RNF182: variants seen among roughly 807,000 people sequenced by gnomAD.
The protein encoded by RNF182 is E3 ubiquitin-protein ligase RNF182.
In RNF182, 15 loss-of-function variants were observed where a neutral mutation model predicts 14.4. The ratio of observed to expected loss-of-function variants is 1.04; its 90% CI spans 0.70 to 1.60. The LOEUF (loss-of-function observed/expected upper bound fraction) is 1.60. RNF182 is among the 40% of genes most tolerant of loss of function. The pLI is 0.00. For synonymous variants in RNF182, 128 were observed against 122.9 expected, an observed-to-expected ratio of 1.04 and a Z score of -0.27; for missense variants, 268 against 294.8, an observed-to-expected ratio of 0.91 and a Z score of 0.67.
chr6:13,972,536 A>G (rs192922864), intron 1 of RNF182, among the ~76,000 whole-genome samples: 312 of 152,192 alleles, frequency 2.1e-3, no homozygotes, highest in Non-Finnish European at 3.6e-3. Flanking sequence ...AAGAGAAAAA[A>G]TGGTTTTGTG....
chr6:13,971,955 A>C lies in RNF182; in HGVS notation c.-366-2255A>C, dbSNP rs548610073. Reference sequence around the variant, plus strand: ...GATTTGGGTGCTGTTAAAAGCATTCAGTTTTATGTATTCACAAAGATATGG... The same window carrying C: ...GATTTGGGTGCTGTTAAAAGCATTCCGTTTTATGTATTCACAAAGATATGG... On this transcript the variant is annotated intron_variant, in intron 1 of 2. Coordinates refer to ENST00000488300, the MANE Select transcript of RNF182 (RefSeq NM_152737.4). Among the ~76,000 whole-genome samples, 218 of 152,338 alleles carry C rather than the reference A, an allele frequency of 1.4e-3. 2 individuals are homozygous for C. Among genetic ancestry groups the C allele is most frequent in the Non-Finnish European group, 2.7e-3 (183 of 68,038 alleles).
At chr6:13,964,042 C>G (rs1441302138) in intron 1 of RNF182, among the ~76,000 whole-genome samples, 2 of 150,162 alleles carry the variant, frequency 1.3e-5, no homozygotes, top group Non-Finnish European at 3.0e-5. Flanking sequence ...AGCAAAGACT[C>G]AAGACAATCT....
chr6:13,972,097 A>G (rs1760200072), intron 1 of RNF182, among the ~76,000 whole-genome samples: 1 of 152,084 alleles, frequency 6.6e-6, no homozygotes, highest in Non-Finnish European at 1.5e-5. Context: ...TCAGGAGATC[A>G]AGACCATCCT....
At chr6:13,970,898 T>C (rs1760157129) in intron 1 of RNF182, among the ~76,000 whole-genome samples, 1 of 152,196 alleles carries the variant, frequency 6.6e-6, no homozygotes, top group Non-Finnish European at 1.5e-5. Context: ...AAAACAGTCA[T>C]AGATTCCCTT....
In RNF182 at chr6:13,978,692, A is replaced by C. The variant is rs925440998; in HGVS notation, c.*829A>C. On this transcript the variant is annotated 3_prime_UTR_variant, in exon 3 of 3. Transcript: ENST00000488300. Reference sequence around the variant, plus strand: ...ATCTTAGTTTTGGTTTTTTTAAACCACATTGCCCAATCAGCCTCACCCCTT... The same window carrying C: ...ATCTTAGTTTTGGTTTTTTTAAACCCCATTGCCCAATCAGCCTCACCCCTT... 5 of 167,066 alleles carry C rather than the reference A, an allele frequency of 3.0e-5. No individual in the cohort carries two copies. Among genetic ancestry groups the C allele is most frequent in the African/African-American group, 1.2e-4 (5 of 41,444 alleles). The allele number at this position is 167,066 out of a possible 1,614,324, so 10.3% of individuals were successfully genotyped here.
At chr6:13,924,875 G>C (rs1226386342), upstream of RNF182, 1 of 148,888 alleles carries the variant, frequency 6.7e-6, no homozygotes, top group Non-Finnish European at 1.5e-5. Context: ...GTGACGCAGG[G>C]TCGGCGGCTC....
At position 13,943,119 on chromosome 6, in the gene RNF182, T is replaced by C. The variant is rs532892648; in HGVS notation, c.-367+18096T>C. Among the ~76,000 whole-genome samples the C allele has an allele frequency of 3.3e-5, 5 of 152,358 alleles. 1 individual carries two copies. The East Asian group carries it at 9.6e-4, about 29-fold the overall frequency. ...TCAGGGAATACTAATGGCTACCTTA[T>C]CTAAATGGTGAAAGTAGTTTCTAAA... On this transcript the variant is annotated intron_variant, in intron 1 of 2. Transcript: ENST00000488300.
chr6:13,925,926 G>A (rs1758813170), intron 1 of RNF182, among the ~76,000 whole-genome samples: 1 of 152,076 alleles, frequency 6.6e-6, no homozygotes, highest in Admixed American at 6.5e-5. Context: ...GTGATAGTTT[G>A]TTGCAGACGC....
chr6:13,958,166 T>C (rs1039328480), intron 1 of RNF182, among the ~76,000 whole-genome samples: 2 of 152,072 alleles, frequency 1.3e-5, no homozygotes, highest in Admixed American at 6.6e-5. Flanking sequence ...GGCAGGCAGA[T>C]CACGAGGTCA....
intron 1 of RNF182, among the ~76,000 whole-genome samples, chr6:13,960,656 AGT>A (rs745687828): frequency 0.027 from 3,618 of 133,062 alleles, 122 homozygotes; most frequent in African/African-American, 0.087. Flanking sequence ...GGAGAGAGAG[AGT>A]GTGTGTGTGT....
chr6:13,950,607 G>A (rs772675800), intron 1 of RNF182, among the ~76,000 whole-genome samples: 8 of 144,094 alleles, frequency 5.6e-5, no homozygotes, highest in South Asian at 2.2e-4. Flanking sequence ...AACAATTCTC[G>A]TGCCTCAACC....
chr6:13,935,962 A>G (rs1210176166), intron 1 of RNF182, among the ~76,000 whole-genome samples: 1 of 152,248 alleles, frequency 6.6e-6, no homozygotes, highest in Non-Finnish European at 1.5e-5. Flanking sequence ...TACAGGAAGC[A>G]TGGTTGGGGA....
chr6:13,945,678 T>C (rs1022306603), intron 1 of RNF182, among the ~76,000 whole-genome samples: 8 of 152,268 alleles, frequency 5.3e-5, no homozygotes, highest in Admixed American at 1.3e-4. Flanking sequence ...CCTATTAGTT[T>C]ATGCTATTTT....
At chr6:13,925,871 G>C (rs9475787) in intron 1 of RNF182, among the ~76,000 whole-genome samples, 46,978 of 151,960 alleles carry the variant, frequency 0.31, 7,847 homozygotes, top group East Asian at 0.57. Flanking sequence ...CACTGGATAG[G>C]TTATAGGTAC....
chr6:13,927,371 G>A (rs2113572213), intron 1 of RNF182, among the ~76,000 whole-genome samples: 1 of 152,330 alleles, frequency 6.6e-6, no homozygotes, highest in Middle Eastern at 3.4e-3. Flanking sequence ...CAACAGCATT[G>A]CATATCCCCA....
intron 1 of RNF182, among the ~76,000 whole-genome samples, chr6:13,936,826 T>TA (rs996336042): frequency 2.0e-5 from 3 of 151,984 alleles, no homozygotes; most frequent in Non-Finnish European, 4.4e-5. Flanking sequence ...TTTGGGGTGG[T>TA]AAGTGTGGGT....
At chr6:13,940,458 G>A (rs1759265458) in intron 1 of RNF182, among the ~76,000 whole-genome samples, 1 of 152,032 alleles carries the variant, frequency 6.6e-6, no homozygotes. Flanking sequence ...GCTGAATAGT[G>A]CCTCCCTTTT....
At chr6:13,949,562 G>A in intron 1 of RNF182, 1 of 463,746 alleles carries the variant, frequency 2.2e-6, no homozygotes, top group Non-Finnish European at 4.0e-6. Flanking sequence ...AACCCAGAGT[G>A]AACTCTTAGA....
intron 1 of RNF182, among the ~76,000 whole-genome samples, chr6:13,929,973 A>C (rs754598423): frequency 1.3e-5 from 2 of 152,242 alleles, no homozygotes; most frequent in Non-Finnish European, 2.9e-5. Flanking sequence ...AACTAGAATA[A>C]TTTATGAAAA....
Sources: gnomAD v4.1 joint callset for allele counts (sites outside exome capture counted in the v4.1 genomes callset) on GRCh38, gnomAD v4.1.1 for gene constraint, MANE v1.5 for transcripts, NCBI Gene and HGNC (gene_info 2026-07-23, HGNC 2026-07-21) for gene names.